ARL6: variants seen among roughly 807,000 people sequenced by gnomAD.
ARL6 encodes the protein ADP-ribosylation factor-like protein 6.
ARL6 carries 18 observed loss-of-function variants against 27.1 expected under a neutral mutation model. The observed-to-expected ratio is 0.66, with a 90% CI of 0.46 to 0.98. The LOEUF is 0.98. ARL6 is among the 50% of genes least tolerant of loss of function. ARL6 has a pLI of 0.00. For missense variants in ARL6, 187 were observed against 214.9 expected (o/e 0.87, Z 0.81); for synonymous variants, 65 against 72.3 (o/e 0.90, Z 0.51).
intron 7 of ARL6, 184 bp downstream of exon 7, chr3:97,792,010 C>A: frequency 1.7e-6 from 1 of 580,716 alleles, no homozygotes; most frequent in South Asian, 2.3e-5. Flanking sequence ...TCACATATTG[C>A]TAAAGGATTT....
intron 2 of ARL6, among the ~76,000 whole-genome samples, chr3:97,768,575 C>T (rs1195762552): frequency 3.3e-5 from 5 of 151,894 alleles, no homozygotes; most frequent in African/African-American, 1.2e-4. Flanking sequence ...GATAATTAGA[C>T]AATTTTTGAA....
intron 5 of ARL6, among the ~76,000 whole-genome samples, chr3:97,785,535 A>G (rs920251283): frequency 7.9e-5 from 12 of 151,500 alleles, no homozygotes; most frequent in Non-Finnish European, 1.5e-4. Flanking sequence ...AGGGTTGAGG[A>G]CTGTGGGGAC....
intron 2 of ARL6, among the ~76,000 whole-genome samples, chr3:97,773,557 A>G (rs1472730247): frequency 6.6e-6 from 1 of 152,240 alleles, no homozygotes; most frequent in African/African-American, 2.4e-5. Context: ...TATGCCTAAC[A>G]TAATACAACT....
intron 2 of ARL6, among the ~76,000 whole-genome samples, chr3:97,768,936 T>C (rs2036514078): frequency 6.6e-6 from 1 of 152,036 alleles, no homozygotes; most frequent in Non-Finnish European, 1.5e-5. Context: ...CAAACCTCTG[T>C]CACTCAGTTA....
At chr3:97,779,663 G>A (rs979765244) in intron 2 of ARL6, among the ~76,000 whole-genome samples, 4 of 152,044 alleles carry the variant, frequency 2.6e-5, no homozygotes, top group Non-Finnish European at 5.9e-5. Flanking sequence ...TTAGGAGATC[G>A]AGACCATCCT....
Position 97,800,331 on chromosome 3 carries a change from A to G in ARL6, c.*2282A>G, listed in dbSNP as rs2038198402. The G allele has an allele frequency of 6.6e-6, 1 of 152,198 alleles. No homozygotes were observed. The highest frequency in any genetic ancestry group is 6.5e-5 in the Admixed American group (1 of 15,270). 9.4% of individuals were successfully genotyped at this position (152,198 alleles called of 1,614,324 possible). On this transcript the variant is annotated 3_prime_UTR_variant, in exon 8 of 8. Coordinates refer to ENST00000463745, the MANE Select transcript of ARL6 (RefSeq NM_001278293.3). Reference sequence around the variant, plus strand: ...AGCTGAGATTATTGCATTTGTATTTAGCATATTATACAATTAAAATGTATT... The same window carrying G: ...AGCTGAGATTATTGCATTTGTATTTGGCATATTATACAATTAAAATGTATT...
chr3:97,765,296 G>C (rs2036327440), intron 1 of ARL6, among the ~76,000 whole-genome samples: 1 of 151,530 alleles, frequency 6.6e-6, no homozygotes. Flanking sequence ...AGCCGAATAA[G>C]AATGTTTATT....
In ARL6 at chr3:97,791,760, T is replaced by G; in HGVS notation, c.480-11T>G. 4 of 1,613,296 alleles carry G rather than the reference T, an allele frequency of 2.5e-6. No individual in the cohort carries two copies. The highest frequency in any genetic ancestry group is 3.4e-6 in the Non-Finnish European group (4 of 1,179,434). On this transcript the variant is annotated splice_polypyrimidine_tract_variant and intron_variant, in intron 6 of 7. Coordinates refer to ENST00000463745, the MANE Select transcript of ARL6 (RefSeq NM_001278293.3). Reference sequence around the variant, plus strand: ...ATGAGATGGCTATGTTTCTTATGGATTTCATTTCAGTGCTAGTGATGCCAT... The same window carrying G: ...ATGAGATGGCTATGTTTCTTATGGAGTTCATTTCAGTGCTAGTGATGCCAT...
At chr3:97,790,673 G>T (rs563928192) in intron 6 of ARL6, among the ~76,000 whole-genome samples, 102 of 152,048 alleles carry the variant, frequency 6.7e-4, no homozygotes, top group Non-Finnish European at 1.2e-3. Context: ...TCTTACCATG[G>T]ATAATAAGTA....
chr3:97,769,693 C>T (rs1032731589), intron 2 of ARL6, among the ~76,000 whole-genome samples: 10 of 152,060 alleles, frequency 6.6e-5, no homozygotes, highest in South Asian at 4.1e-4. Flanking sequence ...CCCCTCTCTC[C>T]GCCCTACCCT....
Position 97,798,203 on chromosome 3 carries a change from G to T in ARL6, c.*154G>T. On this transcript the variant is annotated 3_prime_UTR_variant, in exon 8 of 8. Coordinates refer to ENST00000463745, the MANE Select transcript of ARL6 (RefSeq NM_001278293.3). ...ACCTTTTTAAGAACATAGGACTTCA[G>T]GTATGCTAATTTGGCCATTAATTAT... is the stretch of plus-strand genomic sequence containing the variant. 1 of 733,022 alleles carries T rather than the reference G, an allele frequency of 1.4e-6. No homozygotes were observed. The allele number at this position is 733,022 out of a possible 1,614,324, so 45.4% of individuals were successfully genotyped here.
chr3:97,788,633 G>A (rs2108070830), intron 6 of ARL6, among the ~76,000 whole-genome samples: 1 of 152,012 alleles, frequency 6.6e-6, no homozygotes, highest in East Asian at 1.9e-4. Context: ...TAGTCATAGT[G>A]CCTGGTATGT....
rs140971910 is a variant in ARL6, at chr3:97,783,735, T to C, written c.255-1220T>C. Among the ~76,000 whole-genome samples, 18 of 151,920 alleles carry C rather than the reference T, an allele frequency of 1.2e-4. No individual in the cohort carries two copies. In the East Asian group the frequency reaches 2.9e-3, roughly 24 times the overall value. Reference sequence around the variant, plus strand: ...GTATATCATTTGATTATTAATCACATTGCAGTTTAAATACTTAATTTATGA... The same window carrying C: ...GTATATCATTTGATTATTAATCACACTGCAGTTTAAATACTTAATTTATGA... On this transcript the variant is annotated intron_variant, in intron 4 of 7. Transcript: ENST00000463745.
chr3:97,780,516 C>A (rs1464754403), intron 3 of ARL6, 99 bp from the exon 4 acceptor site: 1 of 946,844 alleles, frequency 1.1e-6, no homozygotes, highest in Non-Finnish European at 1.7e-6. Context: ...TTGAATATTG[C>A]ATATGAAGGG....
chr3:97,784,489 A>T (rs1201776344), intron 4 of ARL6, among the ~76,000 whole-genome samples: 1 of 151,868 alleles, frequency 6.6e-6, no homozygotes, highest in African/African-American at 2.4e-5. Flanking sequence ...GTAAAAAAAA[A>T]AAAAATCAAG....
Position 97,800,069 on chromosome 3 carries a change from T to C in ARL6, c.*2020T>C, listed in dbSNP as rs936076869. On this transcript the variant is annotated 3_prime_UTR_variant, in exon 8 of 8. Transcript: ENST00000463745. ...TTTAAACTCTGGATACAAATGACTT[T>C]GATAAAAGTCCTTAAAACTATTTTG... is the stretch of plus-strand genomic sequence containing the variant. 1 of 152,160 alleles carries C rather than the reference T, an allele frequency of 6.6e-6. No individual in the cohort carries two copies. The highest frequency in any genetic ancestry group is 2.4e-5 in the African/African-American group (1 of 41,462). 9.4% of individuals were successfully genotyped at this position (152,160 alleles called of 1,614,324 possible). A position where few individuals can be genotyped will look rare whatever the true frequency, so the allele number is the denominator to read the frequency against.
chr3:97,782,780 T>C (rs570851268), intron 4 of ARL6, among the ~76,000 whole-genome samples: 127 of 151,422 alleles, frequency 8.4e-4, no homozygotes, highest in African/African-American at 3.0e-3. Context: ...TATGTAAAAA[T>C]GTTACTATAA....
intron 5 of ARL6, 118 bp from the exon 6 acceptor site, chr3:97,787,872 G>A: frequency 1.0e-6 from 1 of 975,188 alleles, no homozygotes; most frequent in Non-Finnish European, 1.6e-6. Context: ...ATGTTTCTGT[G>A]TGTGTGATAT....
Position 97,788,097 on chromosome 3 carries a change from A to G in ARL6, c.457A>G (p.Lys153Glu). 2 of 1,613,264 alleles carry G rather than the reference A, an allele frequency of 1.2e-6. No individual in the cohort carries two copies. The highest frequency in any genetic ancestry group is 1.7e-6 in the Non-Finnish European group (2 of 1,179,608). ...TCAGTTGCTGTGTTTAGAGAACATC[A>G]AAGATAAACCCTGGCATATTTGGTA... The part of the protein sequence containing the change: ...VSQLLCLENI[K>E]DKPWHICASD... Residue 153 changes from lysine (K) to glutamate (E), a missense_variant, in exon 6 of 8, where the codon AAA (lysine) becomes GAA (glutamate). Physicochemically the swap from Lys to Glu is moderately conservative, Grantham distance 56. Coordinates refer to ENST00000463745, the MANE Select transcript of ARL6 (RefSeq NM_001278293.3).
Sources: gnomAD v4.1 joint callset for allele counts (sites outside exome capture counted in the v4.1 genomes callset) on GRCh38, gnomAD v4.1.1 for gene constraint, MANE v1.5 for transcripts, NCBI Gene and HGNC (gene_info 2026-07-23, HGNC 2026-07-21) for gene names.